The following SH3RF1 variants were observed in gnomAD, a reference collection of about 807,000 sequenced individuals.
SH3RF1 encodes the protein SH3 domain containing ring finger 1, also known as E3 ubiquitin-protein ligase SH3RF1.
Under a neutral mutation model 74.0 loss-of-function variants are expected in SH3RF1, and 32 were observed. The ratio of observed to expected loss-of-function variants is 0.43; its 90% CI spans 0.33 to 0.58. The LOEUF (loss-of-function observed/expected upper bound fraction) is 0.58. Among genes scored for constraint, SH3RF1 ranks in the 20% least tolerant of loss-of-function variants. SH3RF1 has a pLI of 0.05. For synonymous variants in SH3RF1, 396 were observed against 439.6 expected, an observed-to-expected ratio of 0.90 and a Z score of 1.24; for missense variants, 954 against 1,130.9, an observed-to-expected ratio of 0.84 and a Z score of 2.24.
intron 2 of SH3RF1, among the ~76,000 whole-genome samples, chr4:169,251,428 G>A (rs1052788811): frequency 6.6e-6 from 1 of 152,164 alleles, no homozygotes; most frequent in East Asian, 1.9e-4. Flanking sequence ...CACAAAACAA[G>A]ATGACCATCC....
intron 2 of SH3RF1, among the ~76,000 whole-genome samples, chr4:169,240,749 A>G (rs1730894769): frequency 6.6e-6 from 1 of 152,172 alleles, no homozygotes; most frequent in Non-Finnish European, 1.5e-5. Flanking sequence ...TTTCAAGTCC[A>G]TAACACATTA....
chr4:169,253,885 T>C (rs570127417), intron 2 of SH3RF1, among the ~76,000 whole-genome samples: 1 of 152,376 alleles, frequency 6.6e-6, no homozygotes, highest in African/African-American at 2.4e-5. Context: ...TCACATATTT[T>C]AACTTTTATA....
chr4:169,123,259 T>C (rs1733470308), intron 6 of SH3RF1, among the ~76,000 whole-genome samples: 1 of 152,230 alleles, frequency 6.6e-6, no homozygotes, highest in African/African-American at 2.4e-5. Flanking sequence ...GGAATAAAAA[T>C]TTGAATTTCA....
chr4:169,252,964 T>C (rs1410448467), intron 2 of SH3RF1, among the ~76,000 whole-genome samples: 1 of 152,128 alleles, frequency 6.6e-6, no homozygotes, highest in South Asian at 2.1e-4. Context: ...CCTGATACCA[T>C]GAAACTGGAT....
Position 169,116,351 on chromosome 4 carries a change from A to G in SH3RF1, c.2057T>C (p.Leu686Pro). 6.2e-7 allele frequency: 1 copy of G among 1,614,172 alleles called. No individual in the cohort carries two copies. ...AEPSGRIVTVLPGLPTSPDSA... is the reference protein window; with the variant it reads ...AEPSGRIVTVPPGLPTSPDSA... Reference sequence around the variant, plus strand: ...GTCAGGAGATGTGGGGAGTCCAGGGAGAACGGTCACTATCCGGCCACTGGG... The same window carrying G: ...GTCAGGAGATGTGGGGAGTCCAGGGGGAACGGTCACTATCCGGCCACTGGG... The change falls in exon 10 of 12, where the codon CTC becomes CCC. Residue 686 changes from leucine to proline, a missense_variant. Coordinates refer to ENST00000284637, the MANE Select transcript of SH3RF1 (RefSeq NM_020870.4).
At chr4:169,208,415 G>A (rs1730296714) in intron 2 of SH3RF1, among the ~76,000 whole-genome samples, 1 of 152,084 alleles carries the variant, frequency 6.6e-6, no homozygotes, top group Non-Finnish European at 1.5e-5. Flanking sequence ...ATGGGTAGGG[G>A]AGAAAAGATG....
At chr4:169,245,288 C>G (rs1730976978) in intron 2 of SH3RF1, among the ~76,000 whole-genome samples, 1 of 152,144 alleles carries the variant, frequency 6.6e-6, no homozygotes, top group Non-Finnish European at 1.5e-5. Context: ...AATGGAACTT[C>G]CTCTTCTGAG....
chr4:169,200,575 G>GA (rs1269514143), intron 2 of SH3RF1, among the ~76,000 whole-genome samples: 1 of 151,904 alleles, frequency 6.6e-6, no homozygotes, highest in African/African-American at 2.4e-5. Flanking sequence ...ATAATGTGAG[G>GA]AAAAAAACAA....
chr4:169,199,564 C>A (rs1031421395), intron 2 of SH3RF1, among the ~76,000 whole-genome samples: 13 of 151,576 alleles, frequency 8.6e-5, no homozygotes, highest in African/African-American at 2.9e-4. Flanking sequence ...ATCTCAGTCA[C>A]ACAGTATGTA....
At chr4:169,188,086 C>T (rs1734638564) in intron 2 of SH3RF1, among the ~76,000 whole-genome samples, 1 of 151,978 alleles carries the variant, frequency 6.6e-6, no homozygotes, top group Non-Finnish European at 1.5e-5. Context: ...AGGGATTCTT[C>T]CTAGAGCCTT....
At chr4:169,266,315 C>T (rs1473516467) in intron 2 of SH3RF1, among the ~76,000 whole-genome samples, 1 of 152,182 alleles carries the variant, frequency 6.6e-6, no homozygotes, top group Admixed American at 6.5e-5. Flanking sequence ...TCACTTTCAG[C>T]TTTGCACAAC....
intron 2 of SH3RF1, among the ~76,000 whole-genome samples, chr4:169,258,988 A>G (rs1207299093): frequency 6.6e-6 from 1 of 152,148 alleles, no homozygotes; most frequent in Non-Finnish European, 1.5e-5. Flanking sequence ...TCTTACTTAC[A>G]TTGCTACGGT....
chr4:169,247,756 G>A (rs1731027140), intron 2 of SH3RF1, among the ~76,000 whole-genome samples: 2 of 152,000 alleles, frequency 1.3e-5, no homozygotes, highest in South Asian at 2.1e-4. Context: ...AATAGGAAAA[G>A]GGCTAATATC....
chr4:169,163,645 T>G (rs1462187394), intron 2 of SH3RF1, among the ~76,000 whole-genome samples: 1 of 152,194 alleles, frequency 6.6e-6, no homozygotes, highest in Non-Finnish European at 1.5e-5. Flanking sequence ...TTAAATCACA[T>G]TAATGGTCTA....
chr4:169,230,360 A>C (rs1487428664), intron 2 of SH3RF1, among the ~76,000 whole-genome samples: 1 of 152,190 alleles, frequency 6.6e-6, no homozygotes, highest in Non-Finnish European at 1.5e-5. Context: ...ACACATAAGC[A>C]AGAGACAGAT....
In SH3RF1 at chr4:169,107,095, C is replaced by T; in HGVS notation, c.2250G>A (p.Glu750=). The T allele has an allele frequency of 6.2e-7, 1 of 1,614,014 alleles. No individual in the cohort carries two copies. Among genetic ancestry groups the T allele is most frequent in the South Asian group, 1.1e-5 (1 of 91,074 alleles). ...GCCCCACCGCTCCCTGGAGAGGAAGCTCTGCACTGCCCAGCTCCACTTCTA... is the reference window on the plus strand; with the variant it reads ...GCCCCACCGCTCCCTGGAGAGGAAGTTCTGCACTGCCCAGCTCCACTTCTA... The part of the protein sequence containing the change: ...PTLEVELGSA[E]LPLQGAVGPE... The change falls in exon 11 of 12, where the codon GAG becomes GAA. Residue 750 remains glutamate (E), a synonymous_variant. Transcript: ENST00000284637.
chr4:169,224,393 C>A (rs867535842), intron 2 of SH3RF1, among the ~76,000 whole-genome samples: 1 of 151,640 alleles, frequency 6.6e-6, no homozygotes, highest in African/African-American at 2.4e-5. Context: ...TCTTGGCTCA[C>A]TGCAACCTCC....
chr4:169,156,310 T>G, intron 3 of SH3RF1, 94 bp downstream of exon 3: 1 of 1,272,698 alleles, frequency 7.9e-7, no homozygotes, highest in Non-Finnish European at 1.0e-6. Flanking sequence ...AAACTTGTAT[T>G]TTTTTTTGCA....
intron 2 of SH3RF1, among the ~76,000 whole-genome samples, chr4:169,171,171 T>C (rs770298722): frequency 2.0e-5 from 3 of 152,316 alleles, no homozygotes; most frequent in East Asian, 3.9e-4. Context: ...TGGGTTCAAA[T>C]GAGGCAAACA....
Sources: allele counts gnomAD v4.1 joint callset (sites outside exome capture counted in the v4.1 genomes callset), GRCh38; gene constraint gnomAD v4.1.1; transcripts MANE v1.5; gene names NCBI Gene and HGNC (gene_info 2026-07-23, HGNC 2026-07-21).